Variants in DOCK8 observed in about 807,000 individuals in gnomAD.
DOCK8 encodes the protein dedicator of cytokinesis protein 8.
A neutral mutation model predicts 245.6 loss-of-function variants in DOCK8; 141 were observed. The observed-to-expected ratio is 0.57, with a 90% CI of 0.50 to 0.66. The LOEUF (loss-of-function observed/expected upper bound fraction) is 0.66, where lower values mean the gene tolerates loss of function less well. Among genes scored for constraint, DOCK8 ranks in the 30% least tolerant of loss-of-function variants. The pLI is 0.00. For synonymous variants in DOCK8, 1,168 were observed against 970.2 expected, an observed-to-expected ratio of 1.20 and a Z score of -3.79; for missense variants, 2,965 against 2,603.4, an observed-to-expected ratio of 1.14 and a Z score of -3.02.
chr9:360,006 T>A (rs2052644541), intron 14 of DOCK8, among the ~76,000 whole-genome samples: 1 of 152,114 alleles, frequency 6.6e-6, no homozygotes, highest in Admixed American at 6.6e-5. Context: ...ACACTTGTGT[T>A]TCAAGCTGTT....
At chr9:295,524 C>G (rs1410040314) in intron 4 of DOCK8, among the ~76,000 whole-genome samples, 1 of 152,112 alleles carries the variant, frequency 6.6e-6, no homozygotes, top group East Asian at 1.9e-4. Flanking sequence ...ATTAGCATGT[C>G]AAAGGAATGA....
At chr9:229,657 G>A (rs1452793129) in intron 1 of DOCK8, among the ~76,000 whole-genome samples, 2 of 152,052 alleles carry the variant, frequency 1.3e-5, no homozygotes, top group East Asian at 3.9e-4. Context: ...GAAACTCAAT[G>A]ACTGCTGCTG....
rs1484210784 is a variant in DOCK8, at chr9:289,567, A to G, written c.390A>G (p.Leu130=). ...TTCAGACCTACATCCGTGAGTGGCT[A>G]ATCGTGAACCGGAAGTAAGTTACTT... The part of the protein sequence containing the change: ...DCVQTYIREW[L]IVNRKNQGSP... The change falls in exon 4 of 48, where the codon CTA becomes CTG. Residue 130 remains leucine (L), a synonymous_variant. Coordinates refer to ENST00000432829, the MANE Select transcript of DOCK8 (RefSeq NM_203447.4). 6.2e-7 allele frequency: 1 copy of G among 1,611,414 alleles called. No individual in the cohort carries two copies. Among genetic ancestry groups the G allele is most frequent in the Non-Finnish European group, 8.5e-7 (1 of 1,178,680 alleles).
chr9:335,135 G>A (rs1055753353), intron 11 of DOCK8, among the ~76,000 whole-genome samples: 4 of 152,086 alleles, frequency 2.6e-5, no homozygotes, highest in Non-Finnish European at 4.4e-5. Context: ...TTTCCAGTTC[G>A]TTAAAGTTTA....
At chr9:245,490 G>C (rs2047486110) in intron 1 of DOCK8, among the ~76,000 whole-genome samples, 1 of 152,134 alleles carries the variant, frequency 6.6e-6, no homozygotes, top group South Asian at 2.1e-4. Context: ...TTACATGCAT[G>C]AGCCACCATG....
intron 1 of DOCK8, among the ~76,000 whole-genome samples, chr9:230,144 A>G (rs2047077523): frequency 6.8e-6 from 1 of 146,582 alleles, no homozygotes. Context: ...TATGAGTGAG[A>G]ACATGCGGTG....
At position 396,771 on chromosome 9, in the gene DOCK8, A is replaced by C. The variant is rs140114637; in HGVS notation, c.2971-14A>C. 2 of 1,613,982 alleles carry C rather than the reference A, an allele frequency of 1.2e-6. No individual in the cohort carries two copies. Among genetic ancestry groups the C allele is most frequent in the East Asian group, 2.2e-5 (1 of 44,882 alleles). ...CAATCTCCATGTTGACATTTCCTCC[A>C]TCCCCCTCCGCAGGTGAAAAGCATG... On this transcript the variant is annotated splice_polypyrimidine_tract_variant and intron_variant, in intron 24 of 47. Transcript: ENST00000432829.
At chr9:272,239 C>G (rs780160456) in intron 2 of DOCK8, among the ~76,000 whole-genome samples, 1 of 152,094 alleles carries the variant, frequency 6.6e-6, no homozygotes, top group Non-Finnish European at 1.5e-5. Flanking sequence ...AGATATAGAA[C>G]ACTTCTTTTA....
chr9:328,941 CTTTT>C (rs1165346763), intron 9 of DOCK8, among the ~76,000 whole-genome samples: 2 of 71,400 alleles, frequency 2.8e-5, no homozygotes, highest in African/African-American at 5.7e-5. Context: ...CTTATTGATT[CTTTT>C]TTTTTTTTTT....
At chr9:296,210 T>G (rs1337490472) in intron 4 of DOCK8, among the ~76,000 whole-genome samples, 5 of 152,196 alleles carry the variant, frequency 3.3e-5, no homozygotes, top group Non-Finnish European at 7.4e-5. Flanking sequence ...TGTCCAACCT[T>G]TTATCTGCAT....
intron 2 of DOCK8, among the ~76,000 whole-genome samples, chr9:274,716 T>A (rs986828439): frequency 6.6e-6 from 1 of 152,180 alleles, no homozygotes; most frequent in African/African-American, 2.4e-5. Context: ...GTAAGATTCA[T>A]TTCTAGGAAG....
At chr9:453,970 G>T (rs183570228) in intron 46 of DOCK8, among the ~76,000 whole-genome samples, 3 of 152,274 alleles carry the variant, frequency 2.0e-5, no homozygotes, top group Admixed American at 2.0e-4. Context: ...CAGAGATCTG[G>T]CTTGTTCCTC....
At position 439,018 on chromosome 9, in the gene DOCK8, C is replaced by G. The variant is rs1183513424; in HGVS notation, c.5080-227C>G. On this transcript the variant is annotated intron_variant, in intron 39 of 47. Transcript: ENST00000432829. ...GTAAGTGTCCTTTATACAAAATCTC[C>G]TAATGGTTAAAAAGAAAAACGTGAG... Among the ~76,000 whole-genome samples the G allele has an allele frequency of 2.6e-5, 4 of 152,150 alleles. No homozygotes were observed. In the East Asian group the frequency reaches 7.7e-4, roughly 29 times the overall value.
intron 34 of DOCK8, among the ~76,000 whole-genome samples, chr9:427,683 G>A (rs186121555): frequency 1.2e-4 from 18 of 152,234 alleles, no homozygotes; most frequent in Admixed American, 7.9e-4. Flanking sequence ...AAGAAATATC[G>A]TTGAAACACA....
At chr9:386,733 A>G (rs1306700884) in intron 23 of DOCK8, among the ~76,000 whole-genome samples, 1 of 151,886 alleles carries the variant, frequency 6.6e-6, no homozygotes, top group Non-Finnish European at 1.5e-5. Flanking sequence ...TGGAGGCTCA[A>G]GAATTTGCAT....
In DOCK8 at chr9:286,629, G is replaced by A; in HGVS notation, c.325G>A (p.Glu109Lys). The A allele has an allele frequency of 1.9e-6, 3 of 1,613,794 alleles. No individual in the cohort carries two copies. The highest frequency in any genetic ancestry group is 2.5e-6 in the Non-Finnish European group (3 of 1,179,798). Residue 109 changes from glutamate (E) to lysine (K), a missense_variant, in exon 3 of 48, where the codon GAG (glutamate) becomes AAG (lysine). By Grantham distance (56) the Glu-to-Lys change is moderately conservative. Transcript: ENST00000432829. ...TAGGACTTTGCAGCCCTCTTTGCCG[G>A]AGGAAGGGTAAATAGTTTTCTAAAA... is the stretch of plus-strand genomic sequence containing the variant. ...ECRTLQPSLP[E>K]EGVELDPHVR...
chr9:370,669 C>G (rs927531063), intron 16 of DOCK8, among the ~76,000 whole-genome samples: 9 of 152,206 alleles, frequency 5.9e-5, no homozygotes, highest in African/African-American at 2.2e-4. Context: ...CCTGTCCGCT[C>G]CACTTGACAC....
intron 7 of DOCK8, among the ~76,000 whole-genome samples, chr9:319,798 G>C (rs1586692400): frequency 6.7e-6 from 1 of 149,768 alleles, no homozygotes; most frequent in Admixed American, 6.7e-5. Context: ...AAAAAAAAAA[G>C]AATGACAACA....
At chr9:438,355 A>G (rs1481844556) in intron 39 of DOCK8, among the ~76,000 whole-genome samples, 2 of 152,246 alleles carry the variant, frequency 1.3e-5, no homozygotes, top group Non-Finnish European at 2.9e-5. Context: ...GATTACAGCA[A>G]TAGGAAGGAG....
Sources: allele counts gnomAD v4.1 joint callset (sites outside exome capture counted in the v4.1 genomes callset), GRCh38; gene constraint gnomAD v4.1.1; transcripts MANE v1.5; gene names NCBI Gene and HGNC (gene_info 2026-07-23, HGNC 2026-07-21).